Variants in AK7 observed in about 807,000 individuals in gnomAD.
AK7 encodes ATP-AMP transphosphorylase 7.
A neutral mutation model predicts 96.6 loss-of-function variants in AK7; 78 were observed. That is an observed-to-expected ratio of 0.81 (90% CI 0.67 to 0.97). The LOEUF is 0.97. Ranked by LOEUF, AK7 falls within the 50% of genes least tolerant of loss-of-function variation. The pLI is 0.00. For synonymous variants in AK7, 302 were observed against 317.2 expected (o/e 0.95, Z 0.51); for missense variants, 855 against 887.9 (o/e 0.96, Z 0.47).
At chr14:96,418,915 A>T (rs1056927591) in intron 4 of AK7, among the ~76,000 whole-genome samples, 2 of 152,240 alleles carry the variant, frequency 1.3e-5, no homozygotes, top group African/African-American at 4.8e-5. Flanking sequence ...ACTTAGACCA[A>T]TGTATTGTGA....
intron 6 of AK7, among the ~76,000 whole-genome samples, chr14:96,439,663 CAA>C (rs58424748): frequency 0.19 from 21,006 of 109,844 alleles, 1,755 homozygotes; most frequent in East Asian, 0.49. Context: ...GACTCCATCT[CAA>C]AAAAAAAAAA....
At chr14:96,423,198 T>C (rs1011788634) in intron 5 of AK7, among the ~76,000 whole-genome samples, 2 of 152,230 alleles carry the variant, frequency 1.3e-5, no homozygotes, top group Non-Finnish European at 2.9e-5. Flanking sequence ...TTAAGGCAAC[T>C]GAGAGGCCCG....
intron 3 of AK7, among the ~76,000 whole-genome samples, chr14:96,407,567 CTTTCTTTCT>C (rs904200885): frequency 4.7e-5 from 6 of 128,684 alleles, no homozygotes; most frequent in African/African-American, 1.7e-4. Context: ...TGATATGTTT[CTTTCTTTCT>C]TTTCTTTTTT....
intron 12 of AK7, among the ~76,000 whole-genome samples, chr14:96,460,802 G>A (rs1245036321): frequency 6.6e-6 from 1 of 152,150 alleles, no homozygotes; most frequent in African/African-American, 2.4e-5. Context: ...GTTCACTCTG[G>A]TCCCTGGCCC....
At chr14:96,459,199 G>A (rs1292934568) in intron 12 of AK7, among the ~76,000 whole-genome samples, 3 of 151,946 alleles carry the variant, frequency 2.0e-5, no homozygotes, top group Non-Finnish European at 2.9e-5. Flanking sequence ...TTAGCTGGGC[G>A]TGGTGGCACG....
At chr14:96,454,731 GA>G (rs1228952232) in intron 10 of AK7, among the ~76,000 whole-genome samples, 1 of 151,368 alleles carries the variant, frequency 6.6e-6, no homozygotes, top group Non-Finnish European at 1.5e-5. Flanking sequence ...TTTTTGTAGA[GA>G]GGGGGACCTC....
At chr14:96,436,581 G>A (rs750712593) in intron 5 of AK7, among the ~76,000 whole-genome samples, 1 of 152,124 alleles carries the variant, frequency 6.6e-6, no homozygotes, top group African/African-American at 2.4e-5. Flanking sequence ...GGAGGCCAAG[G>A]TTGCAGTGAG....
At chr14:96,467,326 T>C (rs1173017886) in intron 12 of AK7, among the ~76,000 whole-genome samples, 2 of 139,438 alleles carry the variant, frequency 1.4e-5, no homozygotes, top group African/African-American at 2.6e-5. Flanking sequence ...CATCTTTTGC[T>C]GCTGCTTTTT....
chr14:96,479,193 C>T (rs529058300), intron 15 of AK7, among the ~76,000 whole-genome samples: 52 of 152,194 alleles, frequency 3.4e-4, no homozygotes, highest in African/African-American at 1.2e-3. Context: ...TCTCCTGCCT[C>T]AGCCTCCCGA....
chr14:96,423,896 C>T (rs1891861261), intron 5 of AK7: 1 of 1,003,114 alleles, frequency 1.0e-6, no homozygotes, highest in Admixed American at 1.7e-5. Context: ...ACCCCGAGCC[C>T]ACATAATCCG....
chr14:96,424,143 A>C (rs968995145), intron 5 of AK7: 2 of 631,670 alleles, frequency 3.2e-6, no homozygotes, highest in Non-Finnish European at 5.9e-6. Context: ...GGTGACATGC[A>C]GCGGGTGCTG....
intron 5 of AK7, chr14:96,423,995 T>G (rs773592551): frequency 7.6e-5 from 65 of 851,340 alleles, no homozygotes; most frequent in Non-Finnish European, 1.0e-4. Context: ...TCCTTCCTGC[T>G]TGGAGCATCC....
chr14:96,426,677 T>C (rs1258081672), intron 5 of AK7, among the ~76,000 whole-genome samples: 5 of 152,242 alleles, frequency 3.3e-5, no homozygotes, highest in Admixed American at 3.3e-4. Flanking sequence ...TCACCAGATA[T>C]ACTATTCTAG....
At chr14:96,402,856 G>T (rs954529102) in intron 2 of AK7, among the ~76,000 whole-genome samples, 2 of 151,966 alleles carry the variant, frequency 1.3e-5, no homozygotes, top group Non-Finnish European at 2.9e-5. Context: ...TCAGCCAGGC[G>T]CAGTAGCTCA....
rs559133554 is a variant in AK7 at position 96,417,918 on chromosome 14, G to T, written c.499-2904G>T. Among the ~76,000 whole-genome samples, 13 of 152,184 alleles carry T rather than the reference G, an allele frequency of 8.5e-5. 1 individual carries two copies. The highest frequency in any genetic ancestry group is 2.9e-4 in the African/African-American group (12 of 41,502). Reference sequence around the variant, plus strand: ...AGGTGGCTAAAAGAAAGAAATACATGTATTGGAATATTACATATACCCCAA... The same window carrying T: ...AGGTGGCTAAAAGAAAGAAATACATTTATTGGAATATTACATATACCCCAA... On this transcript the variant is annotated intron_variant, in intron 4 of 17. Transcript: ENST00000267584.
chr14:96,439,041 A>T (rs1298087066), intron 6 of AK7, among the ~76,000 whole-genome samples: 1 of 152,220 alleles, frequency 6.6e-6, no homozygotes, highest in African/African-American at 2.4e-5. Flanking sequence ...TGGTTGGGGT[A>T]CAATGCAATG....
Position 96,397,111 on chromosome 14 carries a change from C to T in AK7, c.106-964C>T, listed in dbSNP as rs765524551. ...GACTCTGTCTCAAAAAAAGAAATGT[C>T]GCTAGTCCAAATGGAGATGTACTTT... On this transcript the variant is annotated intron_variant, in intron 1 of 17. Transcript: ENST00000267584. 8.0e-4 allele frequency among the ~76,000 whole-genome samples: 121 copies of T among 152,118 alleles called. 1 individual carries two copies. The highest frequency in any genetic ancestry group is 1.6e-3 in the Non-Finnish European group (111 of 68,002).
At position 96,404,780 on chromosome 14, in the gene AK7, C is replaced by A; in HGVS notation, c.318C>A (p.Leu106=). The change falls in exon 3 of 18, where the codon CTC becomes CTA. Residue 106 remains leucine (L), a synonymous_variant. Transcript: ENST00000267584. The part of the protein sequence containing the change: ...TYSAISREDL[L]MRLLECDVII... ...AGGCCATCTCTCGAGAAGACCTTCT[C>A]ATGCGCCTGCTGGAGTGTGATGTTA... The A allele has an allele frequency of 6.2e-7, 1 of 1,608,298 alleles. No homozygotes were observed. The highest frequency in any genetic ancestry group is 1.1e-5 in the South Asian group (1 of 90,802).
intron 12 of AK7, among the ~76,000 whole-genome samples, chr14:96,463,041 G>T (rs1894344060): frequency 6.6e-6 from 1 of 152,068 alleles, no homozygotes; most frequent in Admixed American, 6.6e-5. Context: ...GAAGGCTGAG[G>T]CAGGAGAATC....
Sources: allele counts gnomAD v4.1 joint callset (sites outside exome capture counted in the v4.1 genomes callset), GRCh38; gene constraint gnomAD v4.1.1; transcripts MANE v1.5; gene names NCBI Gene and HGNC (gene_info 2026-07-23, HGNC 2026-07-21).